Variants in MAN1C1 observed in about 807,000 individuals in gnomAD.
MAN1C1 encodes the protein mannosyl-oligosaccharide 1,2-alpha-mannosidase IC.
A neutral mutation model predicts 71.5 loss-of-function variants in MAN1C1; 49 were observed. The ratio of observed to expected loss-of-function variants is 0.69; its 90% confidence interval spans 0.54 to 0.87. The LOEUF is 0.87. MAN1C1 is among the 40% of genes least tolerant of loss of function. The pLI is 0.00. For synonymous variants in MAN1C1, 352 were observed against 343.7 expected (o/e 1.02, Z -0.27); for missense variants, 743 against 835.0 (o/e 0.89, Z 1.36).
At chr1:25,765,187 C>T (rs1338595637) in intron 7 of MAN1C1, among the ~76,000 whole-genome samples, 1 of 152,234 alleles carries the variant, frequency 6.6e-6, no homozygotes, top group Non-Finnish European at 1.5e-5. Context: ...ACATCATTCA[C>T]AAGCCCCCAG....
intron 1 of MAN1C1, among the ~76,000 whole-genome samples, chr1:25,636,480 G>A (rs1453980707): frequency 5.3e-5 from 8 of 152,232 alleles, no homozygotes; most frequent in Non-Finnish European, 7.4e-5. Context: ...CTACTTGCAC[G>A]TCTGTTTATA....
chr1:25,692,549 T>C (rs561663444), intron 2 of MAN1C1, among the ~76,000 whole-genome samples: 2 of 152,248 alleles, frequency 1.3e-5, no homozygotes, highest in South Asian at 2.1e-4. Flanking sequence ...TCACAGCCCT[T>C]ATAAAATCTA....
rs577090131 is a variant in MAN1C1 at position 25,701,862 on chromosome 1, C to G, written c.637+15326C>G. Among the ~76,000 whole-genome samples, 3 of 152,262 alleles carry G rather than the reference C, an allele frequency of 2.0e-5. No homozygotes were observed. In the East Asian group the frequency reaches 5.8e-4, roughly 29 times the overall value. ...ATCACTTGAGGTCAGGAGTTCAAGACCAGCCTGGCCAACATGGAGAAACCT... is the reference window on the plus strand; with the variant it reads ...ATCACTTGAGGTCAGGAGTTCAAGAGCAGCCTGGCCAACATGGAGAAACCT... On this transcript the variant is annotated intron_variant, in intron 2 of 11. Transcript: ENST00000374332.
Position 25,725,279 on chromosome 1 carries a change from T to A in MAN1C1, c.638-21389T>A, listed in dbSNP as rs1224672372. ...CTCATTAATTCATTCATTCAGAGGC[T>A]TTTCTAGGCCAGCTCTGGGATGGAT... On this transcript the variant is annotated intron_variant, in intron 2 of 11. Coordinates refer to ENST00000374332, the MANE Select transcript of MAN1C1 (RefSeq NM_020379.4). The surrounding 1 kb of genome is among the most constrained non-coding windows in gnomAD (Gnocchi z 4.8). Among the ~76,000 whole-genome samples the A allele has an allele frequency of 1.3e-5, 2 of 152,178 alleles. No individual in the cohort carries two copies. Among genetic ancestry groups the A allele is most frequent in the South Asian group, 2.1e-4 (1 of 4,818 alleles).
intron 1 of MAN1C1, among the ~76,000 whole-genome samples, chr1:25,648,014 C>G (rs2045639946): frequency 6.6e-6 from 1 of 152,196 alleles, no homozygotes; most frequent in Non-Finnish European, 1.5e-5. Flanking sequence ...CACAGCAGCC[C>G]CAATCAGCAC....
chr1:25,713,837 A>T (rs189731306), intron 2 of MAN1C1, among the ~76,000 whole-genome samples: 32 of 152,322 alleles, frequency 2.1e-4, no homozygotes, highest in African/African-American at 7.2e-4. Flanking sequence ...CGCTGGGCCC[A>T]GTGTCTGCTC....
At chr1:25,745,640 C>G (rs2047118462) in intron 2 of MAN1C1, among the ~76,000 whole-genome samples, 1 of 152,190 alleles carries the variant, frequency 6.6e-6, no homozygotes, top group Admixed American at 6.5e-5. Context: ...TATATTTGAG[C>G]CATAGTTCAC....
At chr1:25,656,465 G>A (rs1425465605) in intron 1 of MAN1C1, among the ~76,000 whole-genome samples, 1 of 152,086 alleles carries the variant, frequency 6.6e-6, no homozygotes, top group Non-Finnish European at 1.5e-5. Flanking sequence ...TGCACTGGGC[G>A]GCTGAGTTGC....
At chr1:25,752,336 T>G (rs2047228008) in intron 4 of MAN1C1, among the ~76,000 whole-genome samples, 1 of 152,150 alleles carries the variant, frequency 6.6e-6, no homozygotes, top group Non-Finnish European at 1.5e-5. Context: ...CTGGCTATTT[T>G]TTGTATTTTT....
chr1:25,686,552 C>T lies in MAN1C1; in HGVS notation c.637+16C>T. 6.2e-7 allele frequency: 1 copy of T among 1,610,596 alleles called. No individual in the cohort carries two copies. Among genetic ancestry groups the T allele is most frequent in the Non-Finnish European group, 8.5e-7 (1 of 1,176,868 alleles). ...AACATGTTCGGTGAGTCGATTCAAA[C>T]CACTTTGATATTGGGAGGGACCCAC... On this transcript the variant is annotated intron_variant, in intron 2 of 11. Coordinates refer to ENST00000374332, the MANE Select transcript of MAN1C1 (RefSeq NM_020379.4).
intron 1 of MAN1C1, among the ~76,000 whole-genome samples, chr1:25,668,551 C>CTTTA (rs762468115): frequency 7.1e-6 from 1 of 141,242 alleles, no homozygotes; most frequent in Non-Finnish European, 1.5e-5. Flanking sequence ...TTCTACTTTT[C>CTTTA]TTTCTTTCTT....
chr1:25,683,890 G>T (rs1352482353), intron 1 of MAN1C1, among the ~76,000 whole-genome samples: 1 of 152,206 alleles, frequency 6.6e-6, no homozygotes, highest in Admixed American at 6.5e-5. Flanking sequence ...AGAAGAGGCA[G>T]CTCTGATTGC....
chr1:25,648,228 C>T (rs2045643301), intron 1 of MAN1C1, among the ~76,000 whole-genome samples: 1 of 152,226 alleles, frequency 6.6e-6, no homozygotes, highest in South Asian at 2.1e-4. Context: ...AGCATATTCC[C>T]AGTTGACAGA....
intron 1 of MAN1C1, among the ~76,000 whole-genome samples, chr1:25,671,217 T>C (rs1572137344): frequency 1.3e-5 from 2 of 152,190 alleles, no homozygotes; most frequent in South Asian, 4.1e-4. Context: ...GCAAGTTATT[T>C]CACCCTCCAG....
chr1:25,694,416 G>A (rs1299808529), intron 2 of MAN1C1, among the ~76,000 whole-genome samples: 3 of 152,168 alleles, frequency 2.0e-5, no homozygotes, highest in Non-Finnish European at 4.4e-5. Context: ...AGAACTGCCA[G>A]CCAAATCCCC....
intron 2 of MAN1C1, 66 bp downstream of exon 2, chr1:25,686,602 T>G (rs777492737): frequency 7.6e-6 from 11 of 1,447,828 alleles, no homozygotes; most frequent in Non-Finnish European, 1.1e-5. Context: ...CCGAGTGGAA[T>G]TTTACTTTTG....
chr1:25,702,540 C>A (rs2046460531), intron 2 of MAN1C1, among the ~76,000 whole-genome samples: 1 of 152,168 alleles, frequency 6.6e-6, no homozygotes, highest in South Asian at 2.1e-4. Flanking sequence ...GGAAGCAAAA[C>A]CCTGGAGGGA....
chr1:25,618,235 C>G lies in MAN1C1; in HGVS notation c.438C>G (p.Asn146Lys). 1 of 1,601,952 alleles carries G rather than the reference C, an allele frequency of 6.2e-7. No individual in the cohort carries two copies. Among genetic ancestry groups the G allele is most frequent in the Non-Finnish European group, 8.5e-7 (1 of 1,176,356 alleles). ...DEGVPFRFDF[N>K]AFRSRLRHPV... ...GCGTCCCTTTCCGCTTTGACTTCAA[C>G]GCATTCCGGAGCCGTCTCCGCCACC... Residue 146 changes from asparagine (N) to lysine (K), a missense_variant, in exon 1 of 12, where the codon AAC becomes AAG. Asn to Lys is a moderately conservative substitution (Grantham distance 94). Coordinates refer to ENST00000374332, the MANE Select transcript of MAN1C1 (RefSeq NM_020379.4).
chr1:25,617,686 C>A lies in MAN1C1; in HGVS notation c.-112C>A. On this transcript the variant is annotated 5_prime_UTR_variant, in exon 1 of 12. Transcript: ENST00000374332. The surrounding 1 kb of genome is among the most constrained non-coding windows in gnomAD (Gnocchi z 5.1). ...CGGCGAAACTCTCAGGGTTGGCAAC[C>A]CTGCCCAGGGACCCCCATCCCGGGC... 1 of 1,018,162 alleles carries A rather than the reference C, an allele frequency of 9.8e-7. No homozygotes were observed. Among genetic ancestry groups the A allele is most frequent in the Non-Finnish European group, 1.4e-6 (1 of 723,052 alleles). 63.1% of individuals were successfully genotyped at this position (1,018,162 alleles called of 1,614,324 possible).
Sources: gnomAD v4.1 joint callset for allele counts (sites outside exome capture counted in the v4.1 genomes callset) on GRCh38, gnomAD v4.1.1 for gene constraint, Gnocchi (gnomAD v3.1) non-coding constraint, MANE v1.5 for transcripts, NCBI Gene and HGNC (gene_info 2026-07-23, HGNC 2026-07-21) for gene names.